Variants in CFH observed in about 807,000 individuals in gnomAD.
CFH encodes H factor 1 (complement).
CFH carries 53 observed loss-of-function variants against 147.3 expected under a neutral mutation model. That is an observed-to-expected ratio of 0.36 (90% CI 0.29 to 0.45). The LOEUF (loss-of-function observed/expected upper bound fraction) is 0.45. Ranked by LOEUF, CFH falls within the 20% of genes least tolerant of loss-of-function variation. The probability of loss-of-function intolerance (pLI) is 1.00; values close to 1 mark genes in which losing one functional copy is unlikely to be tolerated. For missense variants in CFH, 1,380 were observed against 1,498.0 expected (o/e 0.92, Z 1.30); for synonymous variants, 536 against 489.4 (o/e 1.10, Z -1.26).
chr1:196,676,848 C>T (rs1667474302), intron 4 of CFH: 1 of 152,162 alleles, frequency 6.6e-6, no homozygotes, highest in Non-Finnish European at 1.5e-5. Flanking sequence ...TTGTTAAAAA[C>T]TAAAATCTTT....
At chr1:196,684,874 T>C (rs531836783) in intron 6 of CFH, among the ~76,000 whole-genome samples, 190 bp from the exon 7 acceptor site, 126 of 152,056 alleles carry the variant, frequency 8.3e-4, no homozygotes, top group African/African-American at 3.0e-3. Flanking sequence ...TACAAATATG[T>C]CAGATGAGAA....
chr1:196,742,037 G>A lies in CFH; in HGVS notation c.3119G>A (p.Arg1040Lys), dbSNP rs370384708. The A allele has an allele frequency of 1.9e-6, 3 of 1,613,952 alleles. No individual in the cohort carries two copies. Among genetic ancestry groups the A allele is most frequent in the Admixed American group, 1.7e-5 (1 of 59,992 alleles). Residue 1040 changes from arginine (R) to lysine (K), a missense_variant, in exon 19 of 22, where the codon AGG becomes AAG. Arg to Lys is a conservative substitution (Grantham distance 26). Coordinates refer to ENST00000367429, the MANE Select transcript of CFH (RefSeq NM_000186.4). ...VTCINSRWTG[R>K]PTCRDTSCVN... ...TGCATTAATAGCAGATGGACAGGAA[G>A]GCCAACATGCAGAGGTACTTTGGTG...
At chr1:196,725,351 C>T in intron 12 of CFH, 54 bp downstream of exon 12, 1 of 1,556,538 alleles carries the variant, frequency 6.4e-7, no homozygotes, top group Non-Finnish European at 8.9e-7. Context: ...TGAATACCAA[C>T]TTTTTTCTTA....
At chr1:196,746,094 C>T in intron 21 of CFH, 95 bp downstream of exon 21, 1 of 1,589,720 alleles carries the variant, frequency 6.3e-7, no homozygotes, top group Non-Finnish European at 8.6e-7. Context: ...TATTGAACAA[C>T]CATTCTGCTG....
At chr1:196,686,842 T>C (rs902490846) in intron 7 of CFH, among the ~76,000 whole-genome samples, 1 of 152,020 alleles carries the variant, frequency 6.6e-6, no homozygotes, top group Non-Finnish European at 1.5e-5. Context: ...GATAGAGGAG[T>C]TGATGAGTTA....
At position 196,745,862 on chromosome 1, in the gene CFH, A is replaced by G. The variant is rs575109631; in HGVS notation, c.3356A>G (p.Asp1119Gly). 1 of 1,614,170 alleles carries G rather than the reference A, an allele frequency of 6.2e-7. No homozygotes were observed. Among genetic ancestry groups the G allele is most frequent in the Non-Finnish European group, 8.5e-7 (1 of 1,180,032 alleles). ...CGPPPPIDNG[D>G]ITSFPLSVYA... ...CCCCCTCCACCTATTGACAATGGGG[A>G]CATTACTTCATTCCCGTTGTCAGTA... The change falls in exon 21 of 22, where the codon GAC (aspartate) becomes GGC (glycine). Residue 1119 changes from aspartate (D) to glycine (G), a missense_variant. This residue lies in a region of CFH where 123 missense variants were observed against 185.3 expected (regional missense o/e 0.66). Coordinates refer to ENST00000367429, the MANE Select transcript of CFH (RefSeq NM_000186.4).
chr1:196,672,407 C>T (rs1667312159), intron 1 of CFH, among the ~76,000 whole-genome samples: 1 of 152,152 alleles, frequency 6.6e-6, no homozygotes, highest in Non-Finnish European at 1.5e-5. Flanking sequence ...GGAGTAGAAA[C>T]ATTGTTCTTT....
chr1:196,692,571 CTT>C (rs1023998247), intron 9 of CFH, among the ~76,000 whole-genome samples: 1 of 93,854 alleles, frequency 1.1e-5, no homozygotes, highest in African/African-American at 3.8e-5. Context: ...TTCTTTCTTT[CTT>C]TTTCTTTCTT....
intron 1 of CFH, among the ~76,000 whole-genome samples, chr1:196,661,880 T>C (rs1416232259): frequency 6.6e-6 from 1 of 151,716 alleles, no homozygotes; most frequent in African/African-American, 2.4e-5. Flanking sequence ...AAAGAGGTTT[T>C]GTTTTGTTTG....
chr1:196,696,976 C>T (rs1407147514), intron 9 of CFH, among the ~76,000 whole-genome samples: 1 of 152,120 alleles, frequency 6.6e-6, no homozygotes, highest in Admixed American at 6.6e-5. Flanking sequence ...AACTGGATCC[C>T]TTCGTTACAC....
At chr1:196,698,646 A>G (rs886173301) in intron 9 of CFH, among the ~76,000 whole-genome samples, 7 of 152,334 alleles carry the variant, frequency 4.6e-5, no homozygotes, top group Middle Eastern at 3.4e-3. Flanking sequence ...TACCAGAGGT[A>G]CTAAGAGGAG....
chr1:196,681,057 C>T (rs1487198114), intron 6 of CFH, among the ~76,000 whole-genome samples: 1 of 151,800 alleles, frequency 6.6e-6, no homozygotes. Flanking sequence ...AAAGGAAGTG[C>T]ATGCACAAGT....
At chr1:196,686,717 TG>T (rs1242350023) in intron 7 of CFH, among the ~76,000 whole-genome samples, 1 of 152,116 alleles carries the variant, frequency 6.6e-6, no homozygotes, top group Non-Finnish European at 1.5e-5. Context: ...ATTTTATGGT[TG>T]GCTTATGACA....
intron 9 of CFH, among the ~76,000 whole-genome samples, chr1:196,697,226 G>C (rs919472434): frequency 4.0e-5 from 6 of 151,504 alleles, no homozygotes; most frequent in African/African-American, 1.5e-4. Flanking sequence ...GCAACCTACA[G>C]AATGGGAGAA....
intron 9 of CFH, among the ~76,000 whole-genome samples, chr1:196,693,903 A>G (rs975331698): frequency 2.0e-5 from 3 of 151,936 alleles, no homozygotes; most frequent in African/African-American, 7.3e-5. Context: ...TTATATAAAC[A>G]CAAATTTATT....
intron 15 of CFH, among the ~76,000 whole-genome samples, chr1:196,729,582 G>C (rs962933644): frequency 2.6e-5 from 4 of 151,812 alleles, no homozygotes; most frequent in Non-Finnish European, 4.4e-5. Flanking sequence ...TCTGGTTTTG[G>C]TTCCAGAGTA....
chr1:196,699,796 C>T (rs1668396751), intron 9 of CFH, among the ~76,000 whole-genome samples: 1 of 152,032 alleles, frequency 6.6e-6, no homozygotes, highest in South Asian at 2.1e-4. Flanking sequence ...TGAAAACATC[C>T]TCAAAAAATT....
At chr1:196,715,494 A>G (rs981596783) in intron 10 of CFH, 99 bp from the exon 11 acceptor site, 10 of 903,708 alleles carry the variant, frequency 1.1e-5, no homozygotes, top group Non-Finnish European at 1.8e-5. Flanking sequence ...ATTTATTAGT[A>G]GATCTAATCA....
At chr1:196,717,493 C>G (rs1225409579) in intron 11 of CFH, among the ~76,000 whole-genome samples, 1 of 151,940 alleles carries the variant, frequency 6.6e-6, no homozygotes, top group Non-Finnish European at 1.5e-5. Flanking sequence ...AGGTAAGGTA[C>G]AGGCCAATGA....
Sources: gnomAD v4.1 joint callset for allele counts (sites outside exome capture counted in the v4.1 genomes callset) on GRCh38, gnomAD v4.1.1 for gene constraint, gnomAD v4.1.1 regional missense constraint, MANE v1.5 for transcripts, NCBI Gene and HGNC (gene_info 2026-07-23, HGNC 2026-07-21) for gene names.